Variants in FOXP1 observed in about 807,000 individuals in gnomAD.
FOXP1 encodes forkhead box protein P1.
Under a neutral mutation model 98.2 loss-of-function variants are expected in FOXP1, and 15 were observed. That is an observed-to-expected ratio of 0.15 (90% CI 0.10 to 0.24). The LOEUF is 0.24. Ranked by LOEUF, FOXP1 falls within the 10% of genes least tolerant of loss-of-function variation. FOXP1 has a pLI of 1.00. For synonymous variants in FOXP1, 371 were observed against 314.5 expected (o/e 1.18, Z -1.90); for missense variants, 633 against 848.5 (o/e 0.75, Z 3.15).
intron 5 of FOXP1, among the ~76,000 whole-genome samples, chr3:71,244,335 T>TTTTA (rs2067536960): frequency 6.6e-6 from 1 of 151,994 alleles, no homozygotes; most frequent in Non-Finnish European, 1.5e-5. Context: ...CTCCCCCCTC[T>TTTTA]TTTAGGTCAG....
rs143503790 is a variant in FOXP1 at position 70,977,832 on chromosome 3, C to T, written c.1344G>A (p.Ser448=). The T allele has an allele frequency of 1.5e-5, 25 of 1,613,910 alleles. No individual in the cohort carries two copies. Among genetic ancestry groups the T allele is most frequent in the East Asian group, 6.7e-5 (3 of 44,890 alleles). Residue 448 remains serine, a synonymous_variant, in exon 15 of 21, where the codon TCG becomes TCA. Transcript: ENST00000649528. ...RYSDKYNVPI[S]SADIAQNQEF... is the part of the protein sequence containing the mutation. Reference sequence around the variant, plus strand: ...GGCAAAAGGTGGAGTATCTACCTGACGAAATGGGCACGTTGTATTTGTCTG... The same window carrying T: ...GGCAAAAGGTGGAGTATCTACCTGATGAAATGGGCACGTTGTATTTGTCTG...
At chr3:71,039,394 C>A (rs951598288) in intron 11 of FOXP1, among the ~76,000 whole-genome samples, 46 of 152,226 alleles carry the variant, frequency 3.0e-4, no homozygotes, top group Admixed American at 1.5e-3. Context: ...TTCAAATGTG[C>A]CTTAAGACAT....
chr3:71,451,238 C>T (rs893156226), intron 3 of FOXP1, among the ~76,000 whole-genome samples: 3 of 152,134 alleles, frequency 2.0e-5, no homozygotes, highest in Admixed American at 6.6e-5. Context: ...ACTTACTGGC[C>T]GGCCAGAAAG....
At chr3:70,974,980 G>GT (rs1270493426) in intron 17 of FOXP1, among the ~76,000 whole-genome samples, 1 of 152,192 alleles carries the variant, frequency 6.6e-6, no homozygotes, top group Non-Finnish European at 1.5e-5. Flanking sequence ...AAAAAAAGAT[G>GT]TGTAAGCTCT....
intron 6 of FOXP1, among the ~76,000 whole-genome samples, chr3:71,174,336 G>T (rs916437468): frequency 1.2e-4 from 19 of 152,106 alleles, no homozygotes; most frequent in African/African-American, 4.6e-4. Flanking sequence ...TACTGGGGAG[G>T]GTGAGGCAGG....
intron 2 of FOXP1, chr3:71,574,324 G>A (rs995821970): frequency 2.0e-5 from 3 of 152,018 alleles, no homozygotes; most frequent in Non-Finnish European, 4.4e-5. Flanking sequence ...TTATTACCGG[G>A]TAACTTCAAA....
chr3:71,331,348 G>A (rs1361420947), intron 4 of FOXP1, among the ~76,000 whole-genome samples: 1 of 152,178 alleles, frequency 6.6e-6, no homozygotes, highest in Non-Finnish European at 1.5e-5. Flanking sequence ...AGGACCTGCA[G>A]CCTTCCATGC....
chr3:71,315,911 G>A (rs2075048615), intron 4 of FOXP1, among the ~76,000 whole-genome samples: 1 of 152,196 alleles, frequency 6.6e-6, no homozygotes, highest in South Asian at 2.1e-4. Flanking sequence ...CAGGCCCCAG[G>A]TATCTTCTAT....
At chr3:71,174,828 C>CA (rs1560064270) in intron 6 of FOXP1, among the ~76,000 whole-genome samples, 6 of 105,036 alleles carry the variant, frequency 5.7e-5, no homozygotes, top group Admixed American at 2.0e-4. Context: ...ACACACACAC[C>CA]CCAATATACC....
At chr3:71,136,591 A>G (rs1287852156) in intron 6 of FOXP1, among the ~76,000 whole-genome samples, 1 of 152,228 alleles carries the variant, frequency 6.6e-6, no homozygotes, top group Non-Finnish European at 1.5e-5. Context: ...AATATGTACC[A>G]TTAAGATACT....
chr3:71,055,473 T>G (rs963222555), intron 7 of FOXP1, among the ~76,000 whole-genome samples: 4 of 152,226 alleles, frequency 2.6e-5, no homozygotes, highest in African/African-American at 9.6e-5. Flanking sequence ...AATATTTTCA[T>G]ATGCAAAATG....
intron 5 of FOXP1, among the ~76,000 whole-genome samples, chr3:71,206,268 C>T (rs1560114533): frequency 6.6e-6 from 1 of 152,154 alleles, no homozygotes; most frequent in Non-Finnish European, 1.5e-5. Context: ...ACTCTATTTC[C>T]TGTACACTTC....
chr3:71,301,298 A>T (rs1436645710), intron 4 of FOXP1, among the ~76,000 whole-genome samples: 2 of 152,208 alleles, frequency 1.3e-5, no homozygotes, highest in Non-Finnish European at 2.9e-5. Context: ...TGGTTTCTCC[A>T]GTAGTGAGAA....
chr3:71,251,116 T>C (rs1292135774), intron 5 of FOXP1, among the ~76,000 whole-genome samples: 2 of 152,232 alleles, frequency 1.3e-5, no homozygotes, highest in Non-Finnish European at 2.9e-5. Flanking sequence ...TAGAACCAAG[T>C]GCACTCTTTA....
At chr3:71,101,580 C>A (rs2056963768) in intron 7 of FOXP1, among the ~76,000 whole-genome samples, 1 of 148,856 alleles carries the variant, frequency 6.7e-6, no homozygotes, top group South Asian at 2.1e-4. Flanking sequence ...AGGATGGAGA[C>A]ATGGCCACTA....
chr3:71,032,911 GT>G lies in FOXP1; in HGVS notation c.869+8416del, dbSNP rs1057449316. ...CCCTTGACTTCCCTTTGCACTTTTGGTTGGTTTCAATATCCATCAAAGAAAA... is the reference window on the plus strand; with the variant it reads ...CCCTTGACTTCCCTTTGCACTTTTGGTGGTTTCAATATCCATCAAAGAAAA... On this transcript the variant is annotated intron_variant, in intron 11 of 20. Coordinates refer to ENST00000649528, the MANE Select transcript of FOXP1 (RefSeq NM_001349338.3). Among the ~76,000 whole-genome samples, 20 of 152,164 alleles carry G rather than the reference GT, an allele frequency of 1.3e-4. 1 individual carries two copies. The highest frequency in any genetic ancestry group is 9.8e-4 in the Admixed American group (15 of 15,286).
intron 6 of FOXP1, among the ~76,000 whole-genome samples, chr3:71,193,863 T>C (rs1296561917): frequency 6.6e-6 from 1 of 152,216 alleles, no homozygotes; most frequent in Non-Finnish European, 1.5e-5. Flanking sequence ...AATGGTTCAT[T>C]GGAAAAATTC....
chr3:70,972,054 G>A (rs1368931808), intron 18 of FOXP1: 12 of 1,501,244 alleles, frequency 8.0e-6, no homozygotes, highest in East Asian at 5.0e-5. Flanking sequence ...CAGTATTTGC[G>A]AGGACGGCCT....
chr3:71,164,324 G>A (rs930043636), intron 6 of FOXP1, among the ~76,000 whole-genome samples: 1 of 151,750 alleles, frequency 6.6e-6, no homozygotes, highest in African/African-American at 2.4e-5. Flanking sequence ...CTCAGCCTCC[G>A]GAGTAGCTGG....
Sources: gnomAD v4.1 joint callset for allele counts (sites outside exome capture counted in the v4.1 genomes callset) on GRCh38, gnomAD v4.1.1 for gene constraint, MANE v1.5 for transcripts, NCBI Gene and HGNC (gene_info 2026-07-23, HGNC 2026-07-21) for gene names.